The following NACAD variants were observed in gnomAD, a reference collection of about 807,000 sequenced individuals.
NACAD encodes the protein NAC alpha domain containing, also known as NAC-alpha domain-containing protein 1.
In NACAD, 47 loss-of-function variants were observed where a neutral mutation model predicts 98.9. That is an observed-to-expected ratio of 0.48 (90% CI 0.38 to 0.61). NACAD has a LOEUF of 0.61. Ranked by LOEUF, NACAD falls within the 20% of genes least tolerant of loss-of-function variation. The pLI, the probability that NACAD is intolerant of heterozygous loss-of-function variation, is 0.00. For missense variants in NACAD, 1,412 were observed against 1,748.2 expected, an observed-to-expected ratio of 0.81 and a Z score of 3.43; for synonymous variants, 696 against 767.2, an observed-to-expected ratio of 0.91 and a Z score of 1.53.
chr7:45,084,729 G>A lies in NACAD; in HGVS notation c.1451C>T (p.Thr484Ile). 1 of 1,551,168 alleles carries A rather than the reference G, an allele frequency of 6.4e-7. No homozygotes were observed. Among genetic ancestry groups the A allele is most frequent in the Non-Finnish European group, 8.7e-7 (1 of 1,146,898 alleles). Residue 484 changes from threonine (T) to isoleucine (I), a missense_variant, in exon 2 of 8, where the codon ACC (threonine) becomes ATC (isoleucine). Physicochemically the swap from Thr to Ile is moderately conservative, Grantham distance 89. Coordinates refer to ENST00000490531, the MANE Select transcript of NACAD (RefSeq NM_001146334.2). ...TGGGGCTACCTGCAGAGTGTGAGGGGTCACAGTGGCAGTGGACTCCTGGCC... is the reference window on the plus strand; with the variant it reads ...TGGGGCTACCTGCAGAGTGTGAGGGATCACAGTGGCAGTGGACTCCTGGCC... ...ALGQESTATV[T>I]PHTLQVAPGL...
intron 1 of NACAD, among the ~76,000 whole-genome samples, chr7:45,086,844 C>T (rs1355791431): frequency 6.6e-6 from 1 of 152,214 alleles, no homozygotes; most frequent in African/African-American, 2.4e-5. Context: ...GACCATGGAG[C>T]CCAGCAAGAG....
chr7:45,082,501 G>C lies in NACAD; in HGVS notation c.3679C>G (p.Pro1227Ala). 6.5e-7 allele frequency: 1 copy of C among 1,549,678 alleles called. No individual in the cohort carries two copies. Among genetic ancestry groups the C allele is most frequent in the South Asian group, 1.2e-5 (1 of 84,030 alleles). Residue 1227 changes from proline (P) to alanine (A), a missense_variant, in exon 2 of 8, where the codon CCT (proline) becomes GCT (alanine). By Grantham distance (27) the Pro-to-Ala change is conservative. Around this residue, in one of 5 missense-constraint regions of NACAD, gnomAD observed 572 missense variants for 639.6 expected, o/e 0.89. Transcript: ENST00000490531. The surrounding 1 kb of genome is among the most constrained non-coding windows in gnomAD (Gnocchi z 4.5). ...PSTPVDRPLGPDPSAPGTLAG... is the reference protein window; with the variant it reads ...PSTPVDRPLGADPSAPGTLAG... ...AGGGTACCAGGAGCAGAAGGGTCAG[G>C]GCCCAGGGGCCTGTCCACGGGCGTG...
rs1263902558 is a variant in NACAD, at chr7:45,085,514, C to A, written c.666G>T (p.Thr222=). 1.9e-6 allele frequency: 3 copies of A among 1,550,638 alleles called. No homozygotes were observed. Among genetic ancestry groups the A allele is most frequent in the East Asian group, 2.4e-5 (1 of 40,904 alleles). Residue 222 remains threonine, a synonymous_variant, in exon 2 of 8, where the codon ACG becomes ACT. Coordinates refer to ENST00000490531, the MANE Select transcript of NACAD (RefSeq NM_001146334.2). This position sits in a 1 kb window ranked among gnomAD's most constrained non-coding sequence, Gnocchi z 6.1. ...AAGAGGCCCAGCTGTCCCCATCGGC[C>A]GTAATGTAGGAGCCCGAGGGTGAGG... ...PPASPSGSYI[T]ADGDSWASSP... is the part of the protein sequence containing the mutation.
At chr7:45,080,845 C>A in intron 6 of NACAD, 31 bp downstream of exon 6, 2 of 1,550,786 alleles carry the variant, frequency 1.3e-6, no homozygotes, top group African/African-American at 2.7e-5. Flanking sequence ...CCCACCACCC[C>A]CTGCGAGGCC....
chr7:45,082,225 C>T lies in NACAD; in HGVS notation c.3955G>A (p.Ala1319Thr). 6.5e-7 allele frequency: 1 copy of T among 1,545,238 alleles called. No homozygotes were observed. The highest frequency in any genetic ancestry group is 8.7e-7 in the Non-Finnish European group (1 of 1,143,496). Reference sequence around the variant, plus strand: ...TGGCAAGGCGGCAAGATCTGCAAGGCCAGGTCTTTGGCATCCATGGAGGCC... The same window carrying T: ...TGGCAAGGCGGCAAGATCTGCAAGGTCAGGTCTTTGGCATCCATGGAGGCC... ...KVASMDAKDL[A>T]LQILPPCQVP... Residue 1319 changes from alanine to threonine, a missense_variant, in exon 2 of 8, where the codon GCC becomes ACC. Transcript: ENST00000490531. This position sits in a 1 kb window ranked among gnomAD's most constrained non-coding sequence, Gnocchi z 4.5.
rs1228513299 is a variant in NACAD at position 45,081,867 on chromosome 7, T to C, written c.4073A>G (p.Asp1358Gly). 6.5e-6 allele frequency: 10 copies of C among 1,543,664 alleles called. No individual in the cohort carries two copies. In the South Asian group the frequency reaches 1.2e-4, roughly 18 times the overall value. Residue 1358 changes from aspartate to glycine, a missense_variant and splice_region_variant, in exon 3 of 8, where the codon GAC (aspartate) becomes GGC (glycine). Transcript: ENST00000490531. ...GCCCGAGCCCAGGGCCCGAGGCGAG[T>C]CTGGGGAAGGGGAGAGGTGTGAGGA... ...QQEDEDSLEE[D>G]SPRALGSGQH...
At position 45,082,868 on chromosome 7, in the gene NACAD, G is replaced by A. The variant is rs547798419; in HGVS notation, c.3312C>T (p.Pro1104=). The change falls in exon 2 of 8, where the codon CCC becomes CCT. Residue 1104 remains proline (P), a synonymous_variant. Coordinates refer to ENST00000490531, the MANE Select transcript of NACAD (RefSeq NM_001146334.2). The surrounding 1 kb of genome is among the most constrained non-coding windows in gnomAD (Gnocchi z 4.5). ...CAGGGCAGGCAGCAGGAGGCGCATC[G>A]GGGACCTCCCTTGCACCTCCAAGTG... ...RSALGGAREV[P]DAPPAACPEV... is the part of the protein sequence containing the mutation. The A allele has an allele frequency of 6.4e-5, 99 of 1,550,204 alleles. No homozygotes were observed. The African/African-American group carries it at 1.2e-3, about 19-fold the overall frequency.
Position 45,082,646 on chromosome 7 carries a change from G to T in NACAD, c.3534C>A (p.Thr1178=), listed in dbSNP as rs1784449175. 1 of 1,511,694 alleles carries T rather than the reference G, an allele frequency of 6.6e-7. No homozygotes were observed. The highest frequency in any genetic ancestry group is 8.9e-7 in the Non-Finnish European group (1 of 1,126,076). 93.6% of individuals were successfully genotyped at this position (1,511,694 alleles called of 1,614,324 possible). A position where few individuals can be genotyped will look rare whatever the true frequency, so the allele number is the denominator to read the frequency against. The change falls in exon 2 of 8, where the codon ACC becomes ACA. Residue 1178 remains threonine, a synonymous_variant. Coordinates refer to ENST00000490531, the MANE Select transcript of NACAD (RefSeq NM_001146334.2). This position sits in a 1 kb window ranked among gnomAD's most constrained non-coding sequence, Gnocchi z 4.5. The part of the protein sequence containing the change: ...PDAPAPTSAP[T]SQQPEPVLGL... Reference sequence around the variant, plus strand: ...CCAGTACAGGCTCCGGCTGCTGGGAGGTTGGTGCAGACGTGGGGGCAGGCG... The same window carrying T: ...CCAGTACAGGCTCCGGCTGCTGGGATGTTGGTGCAGACGTGGGGGCAGGCG...
rs760416589 is a variant in NACAD at position 45,083,108 on chromosome 7, G to A, written c.3072C>T (p.Gly1024=). ...GCTCAGGGAGACTGAGGGCCTCCAT[G>A]CCCAAAGTGGAATCCGCATCTTCCT... ...AAQEDADSTL[G]MEALSLPEPA... The change falls in exon 2 of 8, where the codon GGC becomes GGT. Residue 1024 remains glycine (G), a synonymous_variant. Transcript: ENST00000490531. The A allele has an allele frequency of 1.2e-5, 18 of 1,550,670 alleles. No homozygotes were observed. The highest frequency in any genetic ancestry group is 8.7e-7 in the Non-Finnish European group (1 of 1,147,010).
rs776685738 is a variant in NACAD, at chr7:45,084,999, G to A, written c.1181C>T (p.Ala394Val). ...TSAASSDSDSASYAEADDERL... is the reference protein window; with the variant it reads ...TSAASSDSDSVSYAEADDERL... ...CTCATCATCTGCCTCTGCGTAGGAG[G>A]CTGAGTCTGAATCAGAGGAGGCTGC... Residue 394 changes from alanine to valine, a missense_variant, in exon 2 of 8, where the codon GCC (alanine) becomes GTC (valine). Physicochemically the swap from Ala to Val is moderately conservative, Grantham distance 64. Transcript: ENST00000490531. 173 of 1,551,026 alleles carry A rather than the reference G, an allele frequency of 1.1e-4. 1 individual carries two copies. The East Asian group carries it at 4.0e-3, about 36-fold the overall frequency.
chr7:45,086,393 C>T (rs1186535012), intron 1 of NACAD, among the ~76,000 whole-genome samples: 1 of 152,154 alleles, frequency 6.6e-6, no homozygotes, highest in Non-Finnish European at 1.5e-5. Context: ...TCAAGGACAC[C>T]TCAGCAAAGA....
At position 45,085,547 on chromosome 7, in the gene NACAD, C is replaced by T. The variant is rs1421057081; in HGVS notation, c.633G>A (p.Ser211=). ...EAELRDELLD[S]PPASPSGSYI... ...AGGAGCCCGAGGGTGAGGCGGGGGG[C>T]GAGTCCAGCAGCTCATCCCGCAGCT... Residue 211 remains serine, a synonymous_variant, in exon 2 of 8, where the codon TCG becomes TCA. Transcript: ENST00000490531. The surrounding 1 kb of genome is among the most constrained non-coding windows in gnomAD (Gnocchi z 6.1). 5 of 1,549,796 alleles carry T rather than the reference C, an allele frequency of 3.2e-6. No individual in the cohort carries two copies. The highest frequency in any genetic ancestry group is 4.4e-6 in the Non-Finnish European group (5 of 1,146,676).
chr7:45,081,493 C>T, intron 4 of NACAD, 108 bp downstream of exon 4: 3 of 1,407,812 alleles, frequency 2.1e-6, no homozygotes, highest in East Asian at 2.5e-5. Flanking sequence ...CCCAAAGGTC[C>T]CCTGATGGAT....
chr7:45,084,861 G>C lies in NACAD; in HGVS notation c.1319C>G (p.Thr440Ser). The C allele has an allele frequency of 6.4e-7, 1 of 1,550,962 alleles. No homozygotes were observed. Among genetic ancestry groups the C allele is most frequent in the African/African-American group, 1.4e-5 (1 of 73,126 alleles). The change falls in exon 2 of 8, where the codon ACT becomes AGT. Residue 440 changes from threonine to serine, a missense_variant. Physicochemically the swap from Thr to Ser is moderately conservative, Grantham distance 58. This residue lies in a region of NACAD where 638 missense variants were observed against 722.7 expected (regional missense o/e 0.88). Transcript: ENST00000490531. The part of the protein sequence containing the change: ...GAKGLQAQDG[T>S]VSWAVEAAPQ... ...AGCAGCCTCCACGGCCCAGGACACA[G>C]TCCCATCCTGAGCCTGCAGCCCCTT...
rs1195235360 is a variant in NACAD at position 45,088,290 on chromosome 7, C to G, written c.67+538G>C. 6.6e-6 allele frequency among the ~76,000 whole-genome samples: 1 copy of G among 152,230 alleles called. No homozygotes were observed. Among genetic ancestry groups the G allele is most frequent in the Non-Finnish European group, 1.5e-5 (1 of 68,038 alleles). ...CCCCAAGGCCTTCCACCTTCCAGAC[C>G]CAACTTAGGCTTTATTCCACCACCT... On this transcript the variant is annotated intron_variant, in intron 1 of 7. Coordinates refer to ENST00000490531, the MANE Select transcript of NACAD (RefSeq NM_001146334.2). The surrounding 1 kb of genome is among the most constrained non-coding windows in gnomAD (Gnocchi z 5.7).
chr7:45,081,074 C>T (rs1046021826), intron 5 of NACAD, 43 bp downstream of exon 5: 7 of 1,550,874 alleles, frequency 4.5e-6, no homozygotes, highest in Admixed American at 2.0e-5. Context: ...CCCTTGTCCC[C>T]TATCCCTCGG....
Position 45,085,543 on chromosome 7 carries a change from G to A in NACAD, c.637C>T (p.Pro213Ser). 2 of 1,550,394 alleles carry A rather than the reference G, an allele frequency of 1.3e-6. No individual in the cohort carries two copies. The highest frequency in any genetic ancestry group is 8.7e-7 in the Non-Finnish European group (1 of 1,146,882). Residue 213 changes from proline to serine, a missense_variant, in exon 2 of 8, where the codon CCC (proline) becomes TCC (serine). By Grantham distance (74) the Pro-to-Ser change is moderately conservative (BLOSUM62 -1). Transcript: ENST00000490531. This position sits in a 1 kb window ranked among gnomAD's most constrained non-coding sequence, Gnocchi z 6.1. ...ATGTAGGAGCCCGAGGGTGAGGCGG[G>A]GGGCGAGTCCAGCAGCTCATCCCGC... is the stretch of plus-strand genomic sequence containing the variant. The part of the protein sequence containing the change: ...ELRDELLDSP[P>S]ASPSGSYITA...
At chr7:45,081,284 G>T in intron 4 of NACAD, 21 bp from the exon 5 acceptor site, 1 of 1,550,012 alleles carries the variant, frequency 6.5e-7, no homozygotes, top group South Asian at 1.2e-5. Flanking sequence ...AGGGCAGAGG[G>T]GGGCTCAGAC....
Position 45,082,265 on chromosome 7 carries a change from G to C in NACAD, c.3915C>G (p.Leu1305=). Residue 1305 remains leucine, a synonymous_variant, in exon 2 of 8, where the codon CTC becomes CTG. Coordinates refer to ENST00000490531, the MANE Select transcript of NACAD (RefSeq NM_001146334.2). This position sits in a 1 kb window ranked among gnomAD's most constrained non-coding sequence, Gnocchi z 4.5. The part of the protein sequence containing the change: ...PRVSLSPHSP[L]LSPKVASMDA... ...CCATGGAGGCCACCTTGGGGCTGAG[G>C]AGTGGGGAGTGAGGCGAGAGGCTGA... 8 of 1,550,652 alleles carry C rather than the reference G, an allele frequency of 5.2e-6. No individual in the cohort carries two copies. The highest frequency in any genetic ancestry group is 7.0e-6 in the Non-Finnish European group (8 of 1,146,910).
Sources: allele counts gnomAD v4.1 joint callset (sites outside exome capture counted in the v4.1 genomes callset), GRCh38; gene constraint gnomAD v4.1.1; regional missense constraint gnomAD v4.1.1; non-coding constraint Gnocchi (gnomAD v3.1); transcripts MANE v1.5; gene names NCBI Gene and HGNC (gene_info 2026-07-23, HGNC 2026-07-21).